The following RGS7 variants were observed in gnomAD, a reference collection of about 807,000 sequenced individuals.
RGS7 encodes the protein regulator of G-protein signaling 7.
In RGS7, 27 loss-of-function variants were observed where a neutral mutation model predicts 81.1. The ratio of observed to expected loss-of-function variants is 0.33; its 90% CI spans 0.25 to 0.46. The LOEUF (loss-of-function observed/expected upper bound fraction) is 0.46, where lower values mean the gene tolerates loss of function less well. RGS7 is among the 20% of genes least tolerant of loss of function. The pLI, the probability that RGS7 is intolerant of heterozygous loss-of-function variation, is 1.00. For synonymous variants in RGS7, 208 were observed against 207.7 expected (o/e 1.00, Z -0.01); for missense variants, 396 against 607.4 (o/e 0.65, Z 3.66).
chr1:241,235,644 CTCATT>C (rs2075906117), intron 2 of RGS7, among the ~76,000 whole-genome samples: 4 of 74,304 alleles, frequency 5.4e-5, no homozygotes, highest in South Asian at 5.1e-4. Flanking sequence ...TTTCTTTTTT[CTCATT>C]CTCTCTTTCT....
chr1:241,121,117 T>G (rs2066229356), intron 2 of RGS7, among the ~76,000 whole-genome samples: 1 of 152,186 alleles, frequency 6.6e-6, no homozygotes, highest in Non-Finnish European at 1.5e-5. Context: ...CTCTGAAGAT[T>G]GCTTCACAGA....
chr1:241,159,118 T>C (rs970824024), intron 2 of RGS7, among the ~76,000 whole-genome samples: 6 of 152,228 alleles, frequency 3.9e-5, no homozygotes, highest in Non-Finnish European at 8.8e-5. Context: ...GTTTTTTATC[T>C]TTTACATTGT....
At chr1:241,277,035 C>A (rs1016202472) in intron 2 of RGS7, among the ~76,000 whole-genome samples, 3 of 152,194 alleles carry the variant, frequency 2.0e-5, no homozygotes, top group African/African-American at 7.2e-5. Flanking sequence ...TACAAAATAG[C>A]ATCCTACTGT....
At chr1:240,817,793 G>A (rs188835332) in intron 10 of RGS7, among the ~76,000 whole-genome samples, 10 of 152,244 alleles carry the variant, frequency 6.6e-5, no homozygotes, top group African/African-American at 2.4e-4. Context: ...AGTAGAGATG[G>A]GGTTTCACCA....
At chr1:241,290,812 A>C (rs1014590377) in intron 2 of RGS7, among the ~76,000 whole-genome samples, 7 of 152,196 alleles carry the variant, frequency 4.6e-5, no homozygotes, top group African/African-American at 1.7e-4. Flanking sequence ...CAAATATCTC[A>C]TGAAATGGCG....
intron 2 of RGS7, among the ~76,000 whole-genome samples, chr1:241,137,893 G>A (rs990491757): frequency 3.3e-5 from 5 of 152,130 alleles, no homozygotes; most frequent in Admixed American, 1.3e-4. Flanking sequence ...AATAATGGCC[G>A]GGCACCGTGG....
intron 13 of RGS7, among the ~76,000 whole-genome samples, 176 bp downstream of exon 13, chr1:240,813,418 TAATGCAAATGCAAATCTTAATGCA>T (rs1238356731): frequency 5.2e-5 from 1 of 19,172 alleles, no homozygotes; most frequent in Non-Finnish European, 2.8e-4. Context: ...ATGCAAATCT[TAATGCAAATGCAAATCTTAATGCA>T]AATGCAAATG....
chr1:241,215,626 AG>A (rs2074500330), intron 2 of RGS7, among the ~76,000 whole-genome samples: 1 of 152,168 alleles, frequency 6.6e-6, no homozygotes, highest in African/African-American at 2.4e-5. Context: ...TCAGGCAAAT[AG>A]GACTTCAAAA....
At chr1:241,261,436 T>C (rs1387537995) in intron 2 of RGS7, among the ~76,000 whole-genome samples, 3 of 151,334 alleles carry the variant, frequency 2.0e-5, no homozygotes, top group Admixed American at 1.3e-4. Flanking sequence ...CTGGCCAACA[T>C]GGGAGAAACC....
At chr1:241,124,934 G>A (rs1415228867) in intron 2 of RGS7, among the ~76,000 whole-genome samples, 5 of 152,234 alleles carry the variant, frequency 3.3e-5, no homozygotes, top group African/African-American at 1.2e-4. Flanking sequence ...GTTATATACA[G>A]AAGTGTGAGG....
At chr1:241,046,592 C>G (rs75383872) in intron 3 of RGS7, among the ~76,000 whole-genome samples, 8,114 of 152,200 alleles carry the variant, frequency 0.053, 260 homozygotes, top group African/African-American at 0.099. Context: ...CAACGGCCGA[C>G]ACCTCCATTC....
chr1:240,980,789 G>T (rs1684797615), intron 4 of RGS7, among the ~76,000 whole-genome samples: 1 of 152,070 alleles, frequency 6.6e-6, no homozygotes, highest in African/African-American at 2.4e-5. Context: ...TGTCTAGGGT[G>T]AATTACTTCA....
intron 3 of RGS7, among the ~76,000 whole-genome samples, chr1:241,005,659 C>G (rs780746815): frequency 6.6e-6 from 1 of 152,010 alleles, no homozygotes. Context: ...CTCAGCCTCC[C>G]GAGTAGCTGG....
intron 9 of RGS7, among the ~76,000 whole-genome samples, chr1:240,835,222 A>G (rs1694523488): frequency 6.6e-6 from 1 of 152,254 alleles, no homozygotes; most frequent in African/African-American, 2.4e-5. Flanking sequence ...AAAATAAGTA[A>G]AGAACTCTTA....
intron 2 of RGS7, among the ~76,000 whole-genome samples, chr1:241,314,633 G>A (rs1002138061): frequency 6.6e-6 from 1 of 152,144 alleles, no homozygotes; most frequent in Non-Finnish European, 1.5e-5. Context: ...TATATATAAT[G>A]TTAGAAAGTA....
chr1:241,085,511 G>C (rs750912618), intron 3 of RGS7, among the ~76,000 whole-genome samples: 1 of 152,062 alleles, frequency 6.6e-6, no homozygotes, highest in Non-Finnish European at 1.5e-5. Context: ...TGCAACCTCC[G>C]CCTCCCAGGG....
intron 4 of RGS7, among the ~76,000 whole-genome samples, chr1:240,944,431 A>T (rs1678253253): frequency 6.6e-6 from 1 of 151,512 alleles, no homozygotes; most frequent in African/African-American, 2.4e-5. Context: ...GGGCCAGGGC[A>T]GTAATAAATT....
rs2080920431 is a variant in RGS7 at position 241,317,034 on chromosome 1, TAATC to T, written c.78+38661_78+38664del. ...TCTGAAGTCTTGACAGCTAATAAAA[TAATC>T]AATCAAGCACTGATTTGTAGTGTTT... On this transcript the variant is annotated intron_variant, in intron 2 of 18. Transcript: ENST00000440928. 2.6e-5 allele frequency among the ~76,000 whole-genome samples: 4 copies of T among 152,350 alleles called. No individual in the cohort carries two copies. In the South Asian group the frequency reaches 8.3e-4, roughly 32 times the overall value.
intron 2 of RGS7, among the ~76,000 whole-genome samples, chr1:241,284,019 GCTTT>G (rs1314197755): frequency 6.6e-6 from 1 of 151,854 alleles, no homozygotes; most frequent in Non-Finnish European, 1.5e-5. Context: ...ATTTACTGAG[GCTTT>G]CTATTTTCTC....
Sources: allele counts gnomAD v4.1 joint callset (sites outside exome capture counted in the v4.1 genomes callset), GRCh38; gene constraint gnomAD v4.1.1; transcripts MANE v1.5; gene names NCBI Gene and HGNC (gene_info 2026-07-23, HGNC 2026-07-21).